KDELR1: variants seen among roughly 807,000 people sequenced by gnomAD.
KDELR1 encodes KDEL endoplasmic reticulum protein retention receptor 1, also known as ER lumen protein-retaining receptor 1.
Under a neutral mutation model 25.5 loss-of-function variants are expected in KDELR1, and 16 were observed. That is an observed-to-expected ratio of 0.63 (90% CI 0.43 to 0.95). The LOEUF (loss-of-function observed/expected upper bound fraction) is 0.95, where lower values mean the gene tolerates loss of function less well. KDELR1 is among the 40% of genes least tolerant of loss of function. The pLI is 0.00. For synonymous variants in KDELR1, 121 were observed against 115.0 expected (o/e 1.05, Z -0.33); for missense variants, 159 against 265.2 (o/e 0.60, Z 2.78).
intron 3 of KDELR1, among the ~76,000 whole-genome samples, chr19:48,386,946 C>T (rs1337766542): frequency 2.6e-5 from 4 of 151,762 alleles, no homozygotes; most frequent in African/African-American, 9.7e-5. Context: ...TGGCTCATGC[C>T]TGTAATCCCA....
rs1200445998 is a variant in KDELR1 at position 48,384,150 on chromosome 19, T to G, written c.604+80A>C. On this transcript the variant is annotated intron_variant, in intron 4 of 4. Transcript: ENST00000330720. The surrounding 1 kb of genome is among the most constrained non-coding windows in gnomAD (Gnocchi z 4.6). ...CTCCCTTCTTTGCATAATACAGGGG[T>G]AAGGAGACCCCAGTCCCCAGGGAGG... 4 of 1,546,546 alleles carry G rather than the reference T, an allele frequency of 2.6e-6. No homozygotes were observed. In the Admixed American group the frequency reaches 5.2e-5, roughly 20 times the overall value.
upstream of KDELR1, among the ~76,000 whole-genome samples, chr19:48,396,044 G>A (rs113706559): frequency 7.4e-4 from 112 of 152,258 alleles, 1 homozygote; most frequent in African/African-American, 2.6e-3. Flanking sequence ...AGGGGATAGC[G>A]CTTCCGTCTG....
Position 48,383,119 on chromosome 19 carries a change from G to C in KDELR1, c.*174C>G. ...AAACTACAAACAGCCCAAGTCCTGA[G>C]CTCCCCAAGACCTGGATCCTCCACT... On this transcript the variant is annotated 3_prime_UTR_variant, in exon 5 of 5. Coordinates refer to ENST00000330720, the MANE Select transcript of KDELR1 (RefSeq NM_006801.3). 1.6e-6 allele frequency: 1 copy of C among 641,826 alleles called. No homozygotes were observed. The highest frequency in any genetic ancestry group is 2.7e-6 in the Non-Finnish European group (1 of 370,054). 39.8% of individuals were successfully genotyped at this position (641,826 alleles called of 1,614,324 possible).
At chr19:48,386,222 C>T (rs931580222) in intron 3 of KDELR1, among the ~76,000 whole-genome samples, 5 of 149,760 alleles carry the variant, frequency 3.3e-5, no homozygotes, top group African/African-American at 9.8e-5. Context: ...TCAAGTGATT[C>T]TCCTGCCTTA....
At chr19:48,387,827 A>AGGCAGGAGTG (rs1970508657) in intron 3 of KDELR1, 1 of 152,226 alleles carries the variant, frequency 6.6e-6, no homozygotes, top group Non-Finnish European at 1.5e-5. Flanking sequence ...TCTTCCTATA[A>AGGCAGGAGTG]GGCAGGAGTG....
intron 3 of KDELR1, among the ~76,000 whole-genome samples, chr19:48,388,931 G>GAAAGAAAGAAGGAAA (rs1555890279): frequency 3.7e-4 from 54 of 146,440 alleles, no homozygotes; most frequent in African/African-American, 1.4e-3. Flanking sequence ...AAAGAAAGAA[G>GAAAGAAAGAAGGAAA]GAAAGAAAGA....
chr19:48,389,346 T>C (rs1404226617), intron 3 of KDELR1: 4 of 573,964 alleles, frequency 7.0e-6, no homozygotes, highest in Non-Finnish European at 1.2e-5. Context: ...GTAGGTGAAA[T>C]GCTTAGGGTA....
chr19:48,384,532 A>G lies in KDELR1; in HGVS notation c.352-50T>C, dbSNP rs191742276. On this transcript the variant is annotated intron_variant, in intron 3 of 4. Coordinates refer to ENST00000330720, the MANE Select transcript of KDELR1 (RefSeq NM_006801.3). This position sits in a 1 kb window ranked among gnomAD's most constrained non-coding sequence, Gnocchi z 4.6. ...GAGGTGGGAGGGGACAGGGCGGGAGAAAAGGCAGAGGACAACATTGCAGTT... is the reference window on the plus strand; with the variant it reads ...GAGGTGGGAGGGGACAGGGCGGGAGGAAAGGCAGAGGACAACATTGCAGTT... 169 of 1,580,020 alleles carry G rather than the reference A, an allele frequency of 1.1e-4. No homozygotes were observed. In the East Asian group the frequency reaches 3.6e-3, roughly 34 times the overall value.
chr19:48,391,024 G>T (rs1444494124), intron 1 of KDELR1, among the ~76,000 whole-genome samples: 1 of 152,090 alleles, frequency 6.6e-6, no homozygotes, highest in Admixed American at 6.5e-5. Flanking sequence ...GGGCTGCCCA[G>T]ATTGGGGCTG....
upstream of KDELR1, among the ~76,000 whole-genome samples, chr19:48,394,195 CTG>C (rs1032192539): frequency 6.7e-5 from 10 of 148,792 alleles, no homozygotes; most frequent in Non-Finnish European, 1.4e-4. The surrounding 1 kb of genome is among the most constrained non-coding windows in gnomAD (Gnocchi z 5.1). Flanking sequence ...GTGTGTGTGT[CTG>C]TGTGTGTGTC....
At chr19:48,385,865 A>G (rs758931110) in intron 3 of KDELR1, among the ~76,000 whole-genome samples, 73 of 152,316 alleles carry the variant, frequency 4.8e-4, no homozygotes, top group Non-Finnish European at 7.5e-4. Context: ...TGTCATTCCC[A>G]TTCTACAGAT....
intron 1 of KDELR1, 77 bp from the exon 2 acceptor site, chr19:48,390,601 C>T: frequency 1.8e-6 from 2 of 1,092,902 alleles, no homozygotes; most frequent in Non-Finnish European, 2.7e-6. Context: ...GACAGACAGA[C>T]AGAAGGAGAG....
At chr19:48,383,369 C>G in intron 4 of KDELR1, 42 bp from the exon 5 acceptor site, 1 of 1,546,442 alleles carries the variant, frequency 6.5e-7, no homozygotes, top group Non-Finnish European at 8.7e-7. Context: ...CGCTGGGGCC[C>G]CTGCAGGGAG....
chr19:48,384,097 G>T lies in KDELR1; in HGVS notation c.604+133C>A. The T allele has an allele frequency of 4.4e-6, 5 of 1,132,232 alleles. No homozygotes were observed. The highest frequency in any genetic ancestry group is 6.3e-6 in the Non-Finnish European group (5 of 799,428). 70.1% of individuals were successfully genotyped at this position (1,132,232 alleles called of 1,614,324 possible). ...GAATTCCTAGGAGGATGGTAGGCCT[G>T]CCACCCCAGAAACCCGGCGAAGAAA... On this transcript the variant is annotated intron_variant, in intron 4 of 4. Coordinates refer to ENST00000330720, the MANE Select transcript of KDELR1 (RefSeq NM_006801.3). The surrounding 1 kb of genome is among the most constrained non-coding windows in gnomAD (Gnocchi z 4.6).
Position 48,384,592 on chromosome 19 carries a change from TC to T in KDELR1, c.352-111del, listed in dbSNP as rs1970480627. The T allele has an allele frequency of 6.6e-6, 9 of 1,362,158 alleles. No homozygotes were observed. The highest frequency in any genetic ancestry group is 9.0e-6 in the Non-Finnish European group (9 of 1,005,032). 84.4% of individuals were successfully genotyped at this position (1,362,158 alleles called of 1,614,324 possible). ...GCGAAGGTGGAGAGAAGGAAGGTGA[TC>T]CAGGTGCTGCCAAGTGCCAGACACA... is the stretch of plus-strand genomic sequence containing the variant. On this transcript the variant is annotated intron_variant, in intron 3 of 4. Transcript: ENST00000330720. This position sits in a 1 kb window ranked among gnomAD's most constrained non-coding sequence, Gnocchi z 4.6.
chr19:48,389,758 C>T (rs759494703), intron 2 of KDELR1, 47 bp from the exon 3 acceptor site: 9 of 1,603,474 alleles, frequency 5.6e-6, no homozygotes, highest in African/African-American at 4.0e-5. Flanking sequence ...CAGGCCTGTG[C>T]CCCAGTAGGC....
chr19:48,383,899 C>T (rs1460607827), intron 4 of KDELR1, among the ~76,000 whole-genome samples: 4 of 152,180 alleles, frequency 2.6e-5, no homozygotes, highest in African/African-American at 7.2e-5. Context: ...AATGTATCCC[C>T]AGAGCCTAGC....
chr19:48,394,190 T>C (rs1488268644), upstream of KDELR1, among the ~76,000 whole-genome samples: 1 of 148,838 alleles, frequency 6.7e-6, no homozygotes, highest in African/African-American at 2.4e-5. The surrounding 1 kb of genome is among the most constrained non-coding windows in gnomAD (Gnocchi z 5.1). Flanking sequence ...TCTGTGTGTG[T>C]GTGTCTGTGT....
chr19:48,387,111 T>A (rs889685315), intron 3 of KDELR1, among the ~76,000 whole-genome samples: 4 of 143,474 alleles, frequency 2.8e-5, no homozygotes, highest in Non-Finnish European at 6.1e-5. Flanking sequence ...TCTGGCCTCC[T>A]CCACCTTCAG....
Sources: gnomAD v4.1 joint callset for allele counts (sites outside exome capture counted in the v4.1 genomes callset) on GRCh38, gnomAD v4.1.1 for gene constraint, Gnocchi (gnomAD v3.1) non-coding constraint, MANE v1.5 for transcripts, NCBI Gene and HGNC (gene_info 2026-07-23, HGNC 2026-07-21) for gene names.